SEC16B: variants seen among roughly 807,000 people sequenced by gnomAD.
SEC16B encodes the protein SEC16 homolog B, endoplasmic reticulum export factor, also known as protein transport protein Sec16B.
SEC16B carries 115 observed loss-of-function variants against 141.8 expected under a neutral mutation model. The ratio of observed to expected loss-of-function variants is 0.81; its 90% CI spans 0.70 to 0.95. The LOEUF is 0.95. SEC16B is among the 40% of genes least tolerant of loss of function. The pLI is 0.00. For missense variants in SEC16B, 1,291 were observed against 1,312.3 expected (o/e 0.98, Z 0.25); for synonymous variants, 493 against 492.5 (o/e 1.00, Z -0.01).
intron 20 of SEC16B, 28 bp from the exon 21 acceptor site, chr1:177,933,664 G>T: frequency 6.2e-7 from 1 of 1,612,310 alleles, no homozygotes; most frequent in Non-Finnish European, 8.5e-7. Flanking sequence ...ACTCACATTT[G>T]CATGGCACTT....
chr1:177,937,206 G>T lies in SEC16B; in HGVS notation c.2503+8C>A, dbSNP rs919300960. 4 of 1,604,756 alleles carry T rather than the reference G, an allele frequency of 2.5e-6. No homozygotes were observed. The highest frequency in any genetic ancestry group is 3.4e-6 in the Non-Finnish European group (4 of 1,175,650). Reference sequence around the variant, plus strand: ...TTCAATGTGGCCACCCTAGCGGCCAGGTCTTACCAGGGCCCAGGTGTGTCT... The same window carrying T: ...TTCAATGTGGCCACCCTAGCGGCCATGTCTTACCAGGGCCCAGGTGTGTCT... On this transcript the variant is annotated splice_region_variant and intron_variant, in intron 19 of 25. Transcript: ENST00000308284.
In SEC16B at chr1:177,944,646, G is replaced by A; in HGVS notation, c.1796C>T (p.Ala599Val). ...CGTCCTCTGGATTGCCTCAGTTGTT[G>A]CAAATTTCAAAAACTCTTGACTAAA... Reference protein sequence around the residue: ...SSHSQEFLKFATTEAIQRTEI... With the variant: ...SSHSQEFLKFVTTEAIQRTEI... Residue 599 changes from alanine (A) to valine (V), a missense_variant, in exon 15 of 26, where the codon GCA becomes GTA. By Grantham distance (64) the Ala-to-Val change is moderately conservative (BLOSUM62 0). Coordinates refer to ENST00000308284, the MANE Select transcript of SEC16B (RefSeq NM_033127.4). The A allele has an allele frequency of 6.2e-7, 1 of 1,613,696 alleles. No individual in the cohort carries two copies. Among genetic ancestry groups the A allele is most frequent in the Non-Finnish European group, 8.5e-7 (1 of 1,179,746 alleles).
At chr1:177,960,206 A>G in intron 8 of SEC16B, 136 bp downstream of exon 8, 2 of 667,072 alleles carry the variant, frequency 3.0e-6, no homozygotes, top group Admixed American at 5.0e-5. Flanking sequence ...ATCTTGCAGC[A>G]CAGAGAATTC....
At chr1:177,957,440 C>A (rs60590388) in intron 10 of SEC16B, among the ~76,000 whole-genome samples, 1 of 151,812 alleles carries the variant, frequency 6.6e-6, no homozygotes, top group South Asian at 2.1e-4. Context: ...ATTTTATTTT[C>A]TTTTTAATAT....
rs1464545409 is a variant in SEC16B at position 177,965,976 on chromosome 1, T to C, written c.329A>G (p.Tyr110Cys). The change falls in exon 3 of 26, where the codon TAT (tyrosine) becomes TGT (cysteine). Residue 110 changes from tyrosine (Y) to cysteine (C), a missense_variant. This residue lies in a region of SEC16B where 681 missense variants were observed against 675.5 expected (regional missense o/e 1.01). Coordinates refer to ENST00000308284, the MANE Select transcript of SEC16B (RefSeq NM_033127.4). The part of the protein sequence containing the change: ...RPGYENSYQS[Y>C]QSPTMREEYA... ...TTCCTCCCTCATTGTGGGAGACTGA[T>C]AGCTCTGATATGAATTCTCATAACC... The C allele has an allele frequency of 1.9e-6, 3 of 1,591,916 alleles. No individual in the cohort carries two copies. In the South Asian group the frequency reaches 3.4e-5, roughly 18 times the overall value.
intron 23 of SEC16B, 47 bp from the exon 24 acceptor site, chr1:177,932,616 G>T (rs1289857062): frequency 3.3e-6 from 5 of 1,502,568 alleles, no homozygotes; most frequent in Admixed American, 2.3e-5. Context: ...AGGACTGGGG[G>T]TCCCCACTCC....
Position 177,944,264 on chromosome 1 carries a change from G to T in SEC16B, c.1881+297C>A, listed in dbSNP as rs1329407324. Among the ~76,000 whole-genome samples the T allele has an allele frequency of 2.0e-5, 3 of 152,198 alleles. No individual in the cohort carries two copies. In the East Asian group the frequency reaches 5.8e-4, roughly 29 times the overall value. ...AGCTGTCTGGAGAGATGGGGAGAAG[G>T]AGCTGACAGCAGGAGTGAGGCACAG... On this transcript the variant is annotated intron_variant, in intron 15 of 25. Coordinates refer to ENST00000308284, the MANE Select transcript of SEC16B (RefSeq NM_033127.4).
At chr1:177,957,506 TTTTTTA>T (rs1652700545) in intron 10 of SEC16B, among the ~76,000 whole-genome samples, 1 of 152,156 alleles carries the variant, frequency 6.6e-6, no homozygotes, top group Non-Finnish European at 1.5e-5. Context: ...AGGTATTATC[TTTTTTA>T]TTTTTAATTT....
intron 5 of SEC16B, among the ~76,000 whole-genome samples, chr1:177,963,464 A>G (rs4650986): frequency 0.79 from 120,192 of 151,880 alleles, 47,813 homozygotes; most frequent in African/African-American, 0.86. Context: ...TTAGCTGGGC[A>G]TGGTGGCAGG....
Position 177,968,047 on chromosome 1 carries a change from C to T in SEC16B, c.-58-8G>A. The T allele has an allele frequency of 2.8e-6, 4 of 1,447,296 alleles. No homozygotes were observed. Among genetic ancestry groups the T allele is most frequent in the Non-Finnish European group, 3.7e-6 (4 of 1,086,410 alleles). The allele number at this position is 1,447,296 out of a possible 1,614,324, so 89.7% of individuals were successfully genotyped here. ...TGCAGTTATTTTATCTTCCTGCAGA[C>T]AAAAGAAAAAGGAAAAAATCATCAC... On this transcript the variant is annotated splice_polypyrimidine_tract_variant and splice_region_variant and intron_variant, in intron 1 of 25. Transcript: ENST00000308284.
At chr1:177,983,525 G>GA (rs72197624) in intron 1 of SEC16B, among the ~76,000 whole-genome samples, 124 of 140,152 alleles carry the variant, frequency 8.8e-4, no homozygotes, top group South Asian at 2.2e-3. Context: ...GGTCTCAACA[G>GA]AAAAAAAAAA....
intron 11 of SEC16B, 57 bp from the exon 12 acceptor site, chr1:177,952,052 G>A (rs1652234730): frequency 2.8e-6 from 4 of 1,417,700 alleles, no homozygotes; most frequent in Non-Finnish European, 3.9e-6. Context: ...TTTACCCATT[G>A]CCCACAAGGC....
chr1:177,965,926 G>C lies in SEC16B; in HGVS notation c.379C>G (p.His127Asp). ...EEYAYGSYYY[H>D]GHPQWLQEER... ...TCCTGCAGCCACTGTGGGTGTCCAT[G>C]ATAGTAATAACTTCCATAAGCATAT... Residue 127 changes from histidine to aspartate, a missense_variant, in exon 3 of 26, where the codon CAT (histidine) becomes GAT (aspartate). Physicochemically the swap from His to Asp is moderately conservative, Grantham distance 81. This residue lies in a region of SEC16B where 681 missense variants were observed against 675.5 expected (regional missense o/e 1.01). Transcript: ENST00000308284. 1 of 1,597,272 alleles carries C rather than the reference G, an allele frequency of 6.3e-7. No homozygotes were observed. The highest frequency in any genetic ancestry group is 1.3e-5 in the African/African-American group (1 of 74,886).
At chr1:177,932,611 T>TG in intron 23 of SEC16B, 42 bp from the exon 24 acceptor site, 1 of 1,507,214 alleles carries the variant, frequency 6.6e-7, no homozygotes, top group Non-Finnish European at 8.9e-7. Flanking sequence ...TGCTCAGGAC[T>TG]GGGGGTCCCC....
chr1:177,981,370 T>TG, intron 1 of SEC16B, among the ~76,000 whole-genome samples: 2 of 152,186 alleles, frequency 1.3e-5, no homozygotes, highest in East Asian at 3.9e-4. Context: ...AGTCAGCACA[T>TG]GTCCAGAGAC....
chr1:177,946,599 G>T, intron 13 of SEC16B, 68 bp from the exon 14 acceptor site: 1 of 1,239,858 alleles, frequency 8.1e-7, no homozygotes, highest in African/African-American at 1.5e-5. Context: ...ATCTGGGTGG[G>T]ATGGGAGACA....
rs1057473660 is a variant in SEC16B, at chr1:177,962,143, G to A, written c.643-409C>T. On this transcript the variant is annotated intron_variant, in intron 5 of 25. Transcript: ENST00000308284. The stretch of plus-strand genomic sequence containing the variant: ...GGCTGGAGTGCAGTGGCATGATCTC[G>A]GCTCACTGCAACCTCCACCTCCTGG... 1.1e-4 allele frequency among the ~76,000 whole-genome samples: 17 copies of A among 152,032 alleles called. No homozygotes were observed. The East Asian group carries it at 1.4e-3, about 12-fold the overall frequency.
In SEC16B at chr1:177,929,907, T is replaced by C. The variant is rs1220932213; in HGVS notation, c.3134A>G (p.Asn1045Ser). The C allele has an allele frequency of 6.2e-7, 1 of 1,613,882 alleles. No individual in the cohort carries two copies. The highest frequency in any genetic ancestry group is 2.2e-5 in the East Asian group (1 of 44,880). ...VPQLPTATSL[N>S]RPNRLAQRRY... The stretch of plus-strand genomic sequence containing the variant: ...ACGCTGAGCTAGGCGATTTGGCCGA[T>C]TCAGGCTAGTGGCCGTGGGCAGCTG... Residue 1045 changes from asparagine (N) to serine (S), a missense_variant, in exon 26 of 26, where the codon AAT (asparagine) becomes AGT (serine). This residue lies in a region of SEC16B where 605 missense variants were observed against 614.1 expected (regional missense o/e 0.99). Transcript: ENST00000308284.
Position 177,965,095 on chromosome 1 carries a change from T to C in SEC16B, c.485A>G (p.Tyr162Cys), listed in dbSNP as rs781274643. 4 of 1,613,730 alleles carry C rather than the reference T, an allele frequency of 2.5e-6. No homozygotes were observed. Among genetic ancestry groups the C allele is most frequent in the Admixed American group, 1.7e-5 (1 of 60,004 alleles). ...REQKYLDEHH[Y>C]ENQHSPFGTN... is the part of the protein sequence containing the mutation. ...TCCAAATGGACTGTGCTGGTTTTCA[T>C]AATGATGTTCATCAAGGTACTTTTG... Residue 162 changes from tyrosine to cysteine, a missense_variant, in exon 4 of 26, where the codon TAT (tyrosine) becomes TGT (cysteine). Around this residue, in one of 3 missense-constraint regions of SEC16B, gnomAD observed 681 missense variants for 675.5 expected, o/e 1.01. Transcript: ENST00000308284.
Sources: gnomAD v4.1 joint callset for allele counts (sites outside exome capture counted in the v4.1 genomes callset) on GRCh38, gnomAD v4.1.1 for gene constraint, gnomAD v4.1.1 regional missense constraint, MANE v1.5 for transcripts, NCBI Gene and HGNC (gene_info 2026-07-23, HGNC 2026-07-21) for gene names.